Variants in PRR5 observed in about 807,000 individuals in gnomAD.
PRR5 encodes the protein proline-rich protein 5.
In PRR5, 25 loss-of-function variants were observed where a neutral mutation model predicts 30.6. The observed-to-expected ratio is 0.82, with a 90% confidence interval of 0.60 to 1.14. The LOEUF (loss-of-function observed/expected upper bound fraction) is 1.14. Among genes scored for constraint, PRR5 ranks in the 50% most tolerant of loss-of-function variants. The pLI is 0.00. For missense variants in PRR5, 600 were observed against 547.1 expected (o/e 1.10, Z -0.96); for synonymous variants, 286 against 247.1 (o/e 1.16, Z -1.48).
chr22:44,697,474 C>T (rs778634460), upstream of PRR5, among the ~76,000 whole-genome samples: 38 of 152,376 alleles, frequency 2.5e-4, no homozygotes, highest in East Asian at 3.9e-4. Context: ...CATGGCTTTC[C>T]GTGCCCAGCA....
Position 44,720,755 on chromosome 22 carries a change from G to A in PRR5, c.216-4489G>A, listed in dbSNP as rs929443390. Among the ~76,000 whole-genome samples, 12 of 152,320 alleles carry A rather than the reference G, an allele frequency of 7.9e-5. No homozygotes were observed. The East Asian group carries it at 1.7e-3, about 22-fold the overall frequency. On this transcript the variant is annotated intron_variant, in intron 2 of 7. Transcript: ENST00000336985. Reference sequence around the variant, plus strand: ...GGGTCCGGGAGAGTTGGTGGGCACCGTGCAAATGGGGGGATGCTCAGCCAG... The same window carrying A: ...GGGTCCGGGAGAGTTGGTGGGCACCATGCAAATGGGGGGATGCTCAGCCAG...
intron 5 of PRR5, among the ~76,000 whole-genome samples, 159 bp downstream of exon 5, chr22:44,731,980 AC>A (rs1250208812): frequency 6.6e-6 from 1 of 151,672 alleles, no homozygotes; most frequent in African/African-American, 2.4e-5. Flanking sequence ...GCCTGTTTCC[AC>A]CCCTTCAAGC....
chr22:44,700,160 A>T (rs1926124460), upstream of PRR5, among the ~76,000 whole-genome samples: 1 of 152,028 alleles, frequency 6.6e-6, no homozygotes, highest in South Asian at 2.1e-4. Flanking sequence ...CTATTACAAA[A>T]TTTTTTAAAA....
rs535997131 is a variant in PRR5, at chr22:44,688,467, G to A, written c.-11+11227G>A. ...GAGCATAATAGTTAAGAACACGGAC[G>A]CTATGACCAGACTGCTTAGGCTTGG... On this transcript the variant is annotated intron_variant, in intron 1 of 8. Transcript: ENST00000006251. Among the ~76,000 whole-genome samples, 15 of 152,270 alleles carry A rather than the reference G, an allele frequency of 9.9e-5. No individual in the cohort carries two copies. In the South Asian group the frequency reaches 2.7e-3, roughly 27 times the overall value.
upstream of PRR5, among the ~76,000 whole-genome samples, chr22:44,675,321 A>G (rs1004633820): frequency 1.3e-5 from 2 of 152,070 alleles, no homozygotes; most frequent in South Asian, 2.1e-4. Flanking sequence ...TTGAACTCCT[A>G]GGCTCAAACT....
intron 1 of PRR5, among the ~76,000 whole-genome samples, chr22:44,686,652 A>T (rs1319415314): frequency 6.6e-6 from 1 of 152,190 alleles, no homozygotes; most frequent in African/African-American, 2.4e-5. Flanking sequence ...AGTAGCTGGG[A>T]TTACAGGTGT....
upstream of PRR5, among the ~76,000 whole-genome samples, chr22:44,701,550 G>A (rs1233031673): frequency 6.6e-6 from 1 of 152,234 alleles, no homozygotes; most frequent in Non-Finnish European, 1.5e-5. Flanking sequence ...GGATCACTCT[G>A]CCCCCACCAC....
intron 2 of PRR5, among the ~76,000 whole-genome samples, chr22:44,724,048 G>A (rs59981884): frequency 0.026 from 3,889 of 152,270 alleles, 165 homozygotes; most frequent in African/African-American, 0.088. Flanking sequence ...ACTGGAGAGC[G>A]GGCAGCAGAG....
chr22:44,674,894 C>T (rs1923635212), upstream of PRR5, among the ~76,000 whole-genome samples: 12 of 150,416 alleles, frequency 8.0e-5, no homozygotes, highest in Admixed American at 7.3e-4. Context: ...TGCAGTGAGC[C>T]GAGATCTCGC....
At chr22:44,729,865 C>A (rs570643321) in intron 4 of PRR5, 16 of 985,358 alleles carry the variant, frequency 1.6e-5, no homozygotes, top group Non-Finnish European at 1.9e-5. Context: ...AGAGCCACCC[C>A]CCGGCCAGCC....
chr22:44,734,915 G>A, intron 6 of PRR5, 112 bp from the exon 7 acceptor site: 1 of 1,387,592 alleles, frequency 7.2e-7, no homozygotes, highest in East Asian at 2.3e-5. Context: ...GTGGGAATGG[G>A]GAGGCGGGAG....
At chr22:44,729,613 T>C in intron 4 of PRR5, 2 of 985,442 alleles carry the variant, frequency 2.0e-6, no homozygotes, top group Non-Finnish European at 2.4e-6. Context: ...CTGGAGGAAC[T>C]TCCTGGGGTC....
chr22:44,732,360 CT>C lies in PRR5; in HGVS notation c.525del (p.Ala176ProfsTer18). On this transcript the variant is annotated frameshift_variant, in exon 6 of 8. Coordinates refer to ENST00000336985, the MANE Select transcript of PRR5 (RefSeq NM_181333.4). LOFTEE classifies it high-confidence loss of function. ...GCCCGGGCCCATGCCCGTGTGCCCC[CT>C]GCCATCGTGCAGATGCTGCTGGTGC... ...ALARAHARVP[P>X]AIVQMLLVLQ... is the part of the protein sequence containing the mutation. 2 of 1,611,122 alleles carry C rather than the reference CT, an allele frequency of 1.2e-6. No homozygotes were observed. The highest frequency in any genetic ancestry group is 8.5e-7 in the Non-Finnish European group (1 of 1,179,664).
chr22:44,730,129 G>A, intron 4 of PRR5: 1 of 985,136 alleles, frequency 1.0e-6, no homozygotes, highest in Non-Finnish European at 1.2e-6. Context: ...CACTCCTAGT[G>A]CCCTCGAACC....
chr22:44,714,323 G>A (rs1179552945), intron 1 of PRR5, among the ~76,000 whole-genome samples: 3 of 152,202 alleles, frequency 2.0e-5, no homozygotes, highest in African/African-American at 4.8e-5. Context: ...AAAGGAAGCT[G>A]GCTGAGGTTT....
At chr22:44,727,184 T>C in intron 4 of PRR5, among the ~76,000 whole-genome samples, 1 of 152,082 alleles carries the variant, frequency 6.6e-6, no homozygotes, top group African/African-American at 2.4e-5. Context: ...CAAACCCAGG[T>C]CTGCCTGACT....
chr22:44,694,273 C>T (rs1925550723), intron 1 of PRR5, among the ~76,000 whole-genome samples: 1 of 152,218 alleles, frequency 6.6e-6, no homozygotes. Flanking sequence ...TGTGGTGGCT[C>T]ATGCCTGTAA....
At chr22:44,682,563 G>A (rs34504565) in intron 1 of PRR5, among the ~76,000 whole-genome samples, 13,657 of 152,218 alleles carry the variant, frequency 0.09, 766 homozygotes, top group East Asian at 0.27. Flanking sequence ...GCCTGGTGAA[G>A]ACATGGAGGC....
upstream of PRR5, among the ~76,000 whole-genome samples, chr22:44,674,356 C>G (rs563627855): frequency 1.6e-4 from 25 of 152,060 alleles, no homozygotes; most frequent in East Asian, 4.1e-3. Context: ...GGTTTTGCAG[C>G]CAGGCACGGT....
Sources: gnomAD v4.1 joint callset for allele counts (sites outside exome capture counted in the v4.1 genomes callset) on GRCh38, gnomAD v4.1.1 for gene constraint, MANE v1.5 for transcripts, NCBI Gene and HGNC (gene_info 2026-07-23, HGNC 2026-07-21) for gene names.